The following CEP70 variants were observed in gnomAD, a reference collection of about 807,000 sequenced individuals.
CEP70 encodes the protein centrosomal protein 70.
CEP70 carries 70 observed loss-of-function variants against 90.9 expected under a neutral mutation model. The observed-to-expected ratio is 0.77, with a 90% CI of 0.64 to 0.94. The LOEUF (loss-of-function observed/expected upper bound fraction) is 0.94, where lower values mean the gene tolerates loss of function less well. CEP70 is among the 40% of genes least tolerant of loss of function. CEP70 has a pLI of 0.00. For synonymous variants in CEP70, 220 were observed against 228.3 expected (o/e 0.96, Z 0.33); for missense variants, 648 against 669.0 (o/e 0.97, Z 0.35).
chr3:138,572,822 T>C, intron 3 of CEP70, 37 bp downstream of exon 3: 1 of 1,295,642 alleles, frequency 7.7e-7, no homozygotes, highest in South Asian at 1.2e-5. Flanking sequence ...TTGGCACATA[T>C]TTTGAGAAGC....
chr3:138,591,280 A>G (rs1407177708), intron 2 of CEP70, among the ~76,000 whole-genome samples: 3 of 152,190 alleles, frequency 2.0e-5, no homozygotes, highest in East Asian at 3.9e-4. Context: ...TGTGTGTATA[A>G]GCTGTATATG....
chr3:138,512,991 G>A (rs940537223), intron 11 of CEP70, among the ~76,000 whole-genome samples: 1 of 152,322 alleles, frequency 6.6e-6, no homozygotes, highest in African/African-American at 2.4e-5. Context: ...GTGATGAAAA[G>A]AAGGGTGGTT....
In CEP70 at chr3:138,534,785, T is replaced by C. The variant is rs144104163; in HGVS notation, c.636-2215A>G. Among the ~76,000 whole-genome samples the C allele has an allele frequency of 3.9e-3, 597 of 152,310 alleles. 3 individuals are homozygous for C. Among genetic ancestry groups the C allele is most frequent in the African/African-American group, 0.014 (574 of 41,572 alleles). ...GGATGACTGAAGGTGCCTAAGTATA[T>C]ATCCATAAATGAATTCATCGGTTTC... On this transcript the variant is annotated intron_variant, in intron 7 of 17. Coordinates refer to ENST00000264982, the MANE Select transcript of CEP70 (RefSeq NM_024491.4).
chr3:138,533,035 A>C (rs762041038), intron 7 of CEP70, among the ~76,000 whole-genome samples: 1 of 152,224 alleles, frequency 6.6e-6, no homozygotes, highest in African/African-American at 2.4e-5. Context: ...TAATCCCAGC[A>C]CTTTGGGAGG....
intron 6 of CEP70, among the ~76,000 whole-genome samples, chr3:138,537,930 G>A (rs1244029119): frequency 2.0e-5 from 3 of 152,070 alleles, no homozygotes; most frequent in Non-Finnish European, 2.9e-5. Context: ...ATCTGAGGAT[G>A]GGACAATCCC....
At chr3:138,501,392 C>A (rs576597495) in intron 13 of CEP70, among the ~76,000 whole-genome samples, 26 of 152,266 alleles carry the variant, frequency 1.7e-4, no homozygotes, top group African/African-American at 6.0e-4. Flanking sequence ...AGAACATATT[C>A]ATTACTCCAA....
chr3:138,593,425 G>T (rs1222428956), intron 1 of CEP70, among the ~76,000 whole-genome samples: 1 of 152,178 alleles, frequency 6.6e-6, no homozygotes, highest in East Asian at 1.9e-4. Flanking sequence ...GTTTCATCAT[G>T]TTGGCCAGGG....
intron 17 of CEP70, 136 bp from the exon 18 acceptor site, chr3:138,495,212 T>G: frequency 3.5e-6 from 2 of 575,436 alleles, no homozygotes; most frequent in Non-Finnish European, 3.1e-6. Flanking sequence ...CACATGAAGT[T>G]TTTCTCCGAT....
intron 6 of CEP70, among the ~76,000 whole-genome samples, chr3:138,560,187 G>A (rs906030456): frequency 1.3e-5 from 2 of 152,168 alleles, no homozygotes; most frequent in South Asian, 4.1e-4. Flanking sequence ...GGATTGGTTG[G>A]ACAGTGGGTA....
intron 2 of CEP70, among the ~76,000 whole-genome samples, chr3:138,589,377 G>A (rs2042260887): frequency 6.6e-6 from 1 of 151,920 alleles, no homozygotes; most frequent in African/African-American, 2.4e-5. Flanking sequence ...AAATTTGGCT[G>A]GGCGTAGTGG....
At chr3:138,587,606 A>G (rs1234019986) in intron 2 of CEP70, among the ~76,000 whole-genome samples, 2 of 111,198 alleles carry the variant, frequency 1.8e-5, no homozygotes, top group African/African-American at 3.4e-5. Flanking sequence ...CAACATAGCA[A>G]GACCCCATCT....
At chr3:138,551,709 G>A (rs2039627562) in intron 6 of CEP70, among the ~76,000 whole-genome samples, 1 of 148,204 alleles carries the variant, frequency 6.7e-6, no homozygotes, top group African/African-American at 2.5e-5. Flanking sequence ...TCCCGCCACT[G>A]CACTCCAGCC....
intron 6 of CEP70, among the ~76,000 whole-genome samples, chr3:138,544,539 G>GTATGTATGTATGTA (rs879662255): frequency 6.7e-6 from 1 of 149,974 alleles, no homozygotes; most frequent in African/African-American, 2.5e-5. Context: ...ATGTATGTAT[G>GTATGTATGTATGTA]TGTGTGTGTG....
chr3:138,551,758 ATAAAAT>A (rs796730814), intron 6 of CEP70, among the ~76,000 whole-genome samples: 2 of 141,906 alleles, frequency 1.4e-5, no homozygotes, highest in African/African-American at 2.6e-5. Flanking sequence ...AAAAAAAAAA[ATAAAAT>A]AAAACAAAAC....
intron 11 of CEP70, among the ~76,000 whole-genome samples, chr3:138,513,593 T>C (rs1254838561): frequency 6.6e-5 from 10 of 152,200 alleles, no homozygotes; most frequent in Non-Finnish European, 1.5e-4. Context: ...AATGCAACAC[T>C]GAAGAGTCAG....
At position 138,506,795 on chromosome 3, in the gene CEP70, G is replaced by A. The variant is rs149915498; in HGVS notation, c.1051-1330C>T. On this transcript the variant is annotated intron_variant, in intron 12 of 17. Coordinates refer to ENST00000264982, the MANE Select transcript of CEP70 (RefSeq NM_024491.4). ...CTCACTCTGCAGCCTAAGATGGAGT[G>A]CAGTGGTGTGAACGGAGCTCACTGC... Among the ~76,000 whole-genome samples, 7 of 152,298 alleles carry A rather than the reference G, an allele frequency of 4.6e-5. No homozygotes were observed. The East Asian group carries it at 1.3e-3, about 29-fold the overall frequency.
rs181620590 is a variant in CEP70 at position 138,545,184 on chromosome 3, C to T, written c.466-7837G>A. 2.8e-3 allele frequency among the ~76,000 whole-genome samples: 429 copies of T among 152,196 alleles called. 1 individual carries two copies. Among genetic ancestry groups the T allele is most frequent in the African/African-American group, 9.0e-3 (375 of 41,514 alleles). On this transcript the variant is annotated intron_variant, in intron 6 of 17. Transcript: ENST00000264982. Reference sequence around the variant, plus strand: ...ATCTCATGTAGCATGAAAATTGTTGCGGGAAGTCAGGGACCCCAAATGGTG... The same window carrying T: ...ATCTCATGTAGCATGAAAATTGTTGTGGGAAGTCAGGGACCCCAAATGGTG...
chr3:138,529,316 A>G, intron 9 of CEP70, 29 bp from the exon 10 acceptor site: 1 of 1,572,400 alleles, frequency 6.4e-7, no homozygotes, highest in Non-Finnish European at 8.7e-7. Context: ...AAAAATAATT[A>G]ACTTTCTTAG....
intron 6 of CEP70, among the ~76,000 whole-genome samples, chr3:138,552,535 T>C (rs111750276): frequency 4.4e-4 from 67 of 152,202 alleles, no homozygotes; most frequent in African/African-American, 1.6e-3. Flanking sequence ...TTCAAAGCCA[T>C]GCAAATACAT....
Sources: gnomAD v4.1 joint callset for allele counts (sites outside exome capture counted in the v4.1 genomes callset) on GRCh38, gnomAD v4.1.1 for gene constraint, MANE v1.5 for transcripts, NCBI Gene and HGNC (gene_info 2026-07-23, HGNC 2026-07-21) for gene names.